The following CNTNAP2 variants were observed in gnomAD, a reference collection of about 807,000 sequenced individuals.
CNTNAP2 encodes the protein contactin-associated protein-like 2.
A neutral mutation model predicts 155.2 loss-of-function variants in CNTNAP2; 98 were observed. The ratio of observed to expected loss-of-function variants is 0.63; its 90% confidence interval spans 0.54 to 0.75. The LOEUF (loss-of-function observed/expected upper bound fraction) is 0.75. Among genes scored for constraint, CNTNAP2 ranks in the 30% least tolerant of loss-of-function variants. The pLI is 0.00. For synonymous variants in CNTNAP2, 651 were observed against 631.2 expected, an observed-to-expected ratio of 1.03 and a Z score of -0.47; for missense variants, 1,727 against 1,688.1, an observed-to-expected ratio of 1.02 and a Z score of -0.40.
chr7:148,117,108 C>T (rs567534208), intron 15 of CNTNAP2, among the ~76,000 whole-genome samples: 18 of 152,278 alleles, frequency 1.2e-4, no homozygotes, highest in Non-Finnish European at 2.2e-4. Flanking sequence ...GTCTGAGTAA[C>T]GCAGTTTGGT....
chr7:147,069,738 C>G (rs536271292), intron 4 of CNTNAP2, among the ~76,000 whole-genome samples: 1 of 152,282 alleles, frequency 6.6e-6, no homozygotes, highest in East Asian at 1.9e-4. Flanking sequence ...TACTATCATT[C>G]TCTGTTTTCT....
At chr7:146,955,560 C>G (rs1161383609) in intron 3 of CNTNAP2, among the ~76,000 whole-genome samples, 1 of 151,904 alleles carries the variant, frequency 6.6e-6, no homozygotes, top group Non-Finnish European at 1.5e-5. Flanking sequence ...AAAATGGTAT[C>G]ATTTATTGTT....
intron 11 of CNTNAP2, among the ~76,000 whole-genome samples, chr7:147,535,349 G>A (rs1257413803): frequency 1.3e-5 from 2 of 152,112 alleles, no homozygotes; most frequent in South Asian, 2.1e-4. Context: ...TCAAGATCGC[G>A]CCACTGCACT....
chr7:147,413,098 A>T (rs1178830781), intron 10 of CNTNAP2, among the ~76,000 whole-genome samples: 2 of 152,214 alleles, frequency 1.3e-5, no homozygotes, highest in Admixed American at 6.5e-5. Flanking sequence ...AATGGTCAGA[A>T]AATTCTAGAA....
intron 1 of CNTNAP2, among the ~76,000 whole-genome samples, chr7:146,247,942 C>T (rs151159342): frequency 0.044 from 6,537 of 149,954 alleles, 275 homozygotes; most frequent in African/African-American, 0.11. Context: ...CACAGAGATA[C>T]GAGGTCAGGG....
At chr7:148,282,838 T>C (rs541406069) in intron 21 of CNTNAP2, among the ~76,000 whole-genome samples, 1 of 109,912 alleles carries the variant, frequency 9.1e-6, no homozygotes, top group Admixed American at 1.0e-4. Flanking sequence ...TAAAGAAGAT[T>C]GTCAAAACAC....
intron 1 of CNTNAP2, among the ~76,000 whole-genome samples, chr7:146,686,047 A>G (rs897129159): frequency 1.3e-5 from 2 of 152,190 alleles, no homozygotes; most frequent in Non-Finnish European, 2.9e-5. Context: ...CTGTAATCCC[A>G]GCACTTTGGG....
chr7:147,072,024 C>T (rs1008009651), intron 4 of CNTNAP2, among the ~76,000 whole-genome samples: 4 of 152,108 alleles, frequency 2.6e-5, no homozygotes, highest in Non-Finnish European at 5.9e-5. Context: ...CACCTGTACT[C>T]ATCCTGGAGG....
At chr7:146,910,955 A>G (rs568420003) in intron 3 of CNTNAP2, among the ~76,000 whole-genome samples, 14 of 151,508 alleles carry the variant, frequency 9.2e-5, no homozygotes, top group African/African-American at 3.4e-4. Flanking sequence ...AAACAAATTT[A>G]CAAGAAAAAA....
chr7:146,349,343 G>C (rs558610855), intron 1 of CNTNAP2, among the ~76,000 whole-genome samples: 97 of 152,258 alleles, frequency 6.4e-4, no homozygotes, highest in African/African-American at 1.9e-3. Context: ...GAATTCAACA[G>C]CAGTATTTCA....
chr7:147,284,688 C>T (rs1805137457), intron 8 of CNTNAP2, among the ~76,000 whole-genome samples: 1 of 151,920 alleles, frequency 6.6e-6, no homozygotes, highest in South Asian at 2.1e-4. Context: ...CACATAAATA[C>T]TGTTTTAACG....
intron 1 of CNTNAP2, among the ~76,000 whole-genome samples, chr7:146,616,103 G>T (rs1179566755): frequency 2.6e-5 from 4 of 152,078 alleles, no homozygotes; most frequent in African/African-American, 7.2e-5. Flanking sequence ...TATAGAAAGA[G>T]AATCTAGAAG....
chr7:147,046,767 C>T lies in CNTNAP2; in HGVS notation c.550+2713C>T, dbSNP rs1375441170. Among the ~76,000 whole-genome samples the T allele has an allele frequency of 2.0e-5, 3 of 152,168 alleles. No individual in the cohort carries two copies. The East Asian group carries it at 5.9e-4, about 30-fold the overall frequency. On this transcript the variant is annotated intron_variant, in intron 4 of 23. Transcript: ENST00000361727. Reference sequence around the variant, plus strand: ...AGTTTAGGCCGGGCGCGGTGGCTCACACCTGTAATCCCAGCACTTTGGGAG... The same window carrying T: ...AGTTTAGGCCGGGCGCGGTGGCTCATACCTGTAATCCCAGCACTTTGGGAG...
At chr7:147,994,386 G>T (rs1158258290) in intron 15 of CNTNAP2, among the ~76,000 whole-genome samples, 1 of 148,516 alleles carries the variant, frequency 6.7e-6, no homozygotes, top group Non-Finnish European at 1.5e-5. Context: ...AAAAAAAAAG[G>T]AACTTGGCAT....
At chr7:147,891,876 T>A (rs1585013530) in intron 13 of CNTNAP2, among the ~76,000 whole-genome samples, 1 of 152,262 alleles carries the variant, frequency 6.6e-6, no homozygotes, top group Non-Finnish European at 1.5e-5. Flanking sequence ...AGGGAAGTTA[T>A]AGGCCAAAGT....
At chr7:146,291,421 A>C (rs1800427407) in intron 1 of CNTNAP2, among the ~76,000 whole-genome samples, 1 of 152,194 alleles carries the variant, frequency 6.6e-6, no homozygotes, top group South Asian at 2.1e-4. Context: ...CAGTGCCTAT[A>C]AACTTTATTG....
At chr7:146,455,166 G>A (rs7797300) in intron 1 of CNTNAP2, among the ~76,000 whole-genome samples, 93,181 of 151,980 alleles carry the variant, frequency 0.61, 30,738 homozygotes, top group South Asian at 0.85. Flanking sequence ...AATGATTATA[G>A]GCATGCAACA....
chr7:146,506,744 C>G (rs1481785172), intron 1 of CNTNAP2, among the ~76,000 whole-genome samples: 1 of 152,218 alleles, frequency 6.6e-6, no homozygotes, highest in East Asian at 1.9e-4. Context: ...GTGTCTCCTC[C>G]TTAGTGATCA....
chr7:147,193,856 T>C (rs1802728735), intron 8 of CNTNAP2, among the ~76,000 whole-genome samples: 1 of 152,040 alleles, frequency 6.6e-6, no homozygotes, highest in Admixed American at 6.6e-5. Flanking sequence ...GGGATACTTT[T>C]AAGACAAAAT....
Sources: gnomAD v4.1 joint callset for allele counts (sites outside exome capture counted in the v4.1 genomes callset) on GRCh38, gnomAD v4.1.1 for gene constraint, MANE v1.5 for transcripts, NCBI Gene and HGNC (gene_info 2026-07-23, HGNC 2026-07-21) for gene names.